The following SMPX variants were observed in gnomAD, a reference collection of about 807,000 sequenced individuals.
The protein encoded by SMPX is small muscle protein X-linked, also known as small muscular protein.
In SMPX, 2 loss-of-function variants were observed where a neutral mutation model predicts 6.3. That is an observed-to-expected ratio of 0.32 (90% CI 0.13 to 0.99). The LOEUF (loss-of-function observed/expected upper bound fraction) is 0.99. Among genes scored for constraint, SMPX ranks in the 50% least tolerant of loss-of-function variants. The pLI, the probability that SMPX is intolerant of heterozygous loss-of-function variation, is 0.49. For missense variants in SMPX, 60 were observed against 66.8 expected (o/e 0.90, Z 0.36); for synonymous variants, 32 against 24.7 (o/e 1.30, Z -0.88).
intron 4 of SMPX, among the ~76,000 whole-genome samples, chrX:21,736,276 G>A (rs769838384): frequency 6.9e-4 from 77 of 111,794 alleles, no homozygotes; most frequent in Non-Finnish European, 1.1e-3. Flanking sequence ...AAGACACAGC[G>A]GGGCCCTATC....
intron 4 of SMPX, among the ~76,000 whole-genome samples, chrX:21,725,351 A>C (rs768322393): frequency 1.8e-5 from 2 of 112,099 alleles, no homozygotes; most frequent in Non-Finnish European, 3.8e-5. Context: ...GAAAGGTGAA[A>C]TGTCTATTTT....
intron 4 of SMPX, among the ~76,000 whole-genome samples, chrX:21,729,032 T>G (rs1033512865): frequency 8.9e-6 from 1 of 112,382 alleles, no homozygotes; most frequent in African/African-American, 3.2e-5. Flanking sequence ...GATAATCTGC[T>G]TTCTGATACA....
At chrX:21,715,546 A>C (rs1258329890) in intron 4 of SMPX, among the ~76,000 whole-genome samples, 3 of 111,120 alleles carry the variant, frequency 2.7e-5, no homozygotes, top group African/African-American at 9.9e-5. Context: ...TCAGTATTTA[A>C]CATCCATATG....
intron 2 of SMPX, 87 bp from the exon 3 acceptor site, chrX:21,743,923 T>G: frequency 1.4e-6 from 1 of 713,189 alleles, no homozygotes; most frequent in Non-Finnish European, 2.2e-6. Flanking sequence ...TGAAGAAAAA[T>G]GCGTCTGAAA....
intron 4 of SMPX, 119 bp downstream of exon 4, chrX:21,737,430 A>G: frequency 1.5e-6 from 1 of 682,479 alleles, no homozygotes; most frequent in Admixed American, 2.5e-5. Context: ...ACTGACTTAA[A>G]TTGAAGGCAC....
chrX:21,738,975 G>A (rs1220600199), intron 3 of SMPX, among the ~76,000 whole-genome samples: 1 of 111,284 alleles, frequency 9.0e-6, no homozygotes, highest in Non-Finnish European at 1.9e-5. Flanking sequence ...AACACAGACT[G>A]GCGCAGATCT....
At chrX:21,737,428 A>G in intron 4 of SMPX, 121 bp downstream of exon 4, 1 of 668,910 alleles carries the variant, frequency 1.5e-6, no homozygotes, top group Non-Finnish European at 2.4e-6. Context: ...ATACTGACTT[A>G]AATTGAAGGC....
intron 2 of SMPX, among the ~76,000 whole-genome samples, chrX:21,753,338 C>T (rs1211224140): frequency 8.9e-6 from 1 of 111,892 alleles, no homozygotes; most frequent in African/African-American, 3.3e-5. Flanking sequence ...TTTCTAAACC[C>T]CTTGATGATG....
chrX:21,712,036 A>G, intron 4 of SMPX, among the ~76,000 whole-genome samples: 1 of 112,141 alleles, frequency 8.9e-6, no homozygotes, highest in Non-Finnish European at 1.9e-5. Flanking sequence ...GCAAGCTACA[A>G]CTAAGGCTTG....
intron 4 of SMPX, among the ~76,000 whole-genome samples, chrX:21,724,380 T>C (rs1029068916): frequency 8.9e-6 from 1 of 112,632 alleles, no homozygotes; most frequent in African/African-American, 3.2e-5. Flanking sequence ...TGTGTATGTG[T>C]ATGTGGTATG....
rs752296269 is a variant in SMPX at position 21,737,532 on chromosome X, GAT to G, written c.*14+15_*14+16del. 1.0e-5 allele frequency: 12 copies of G among 1,191,609 alleles called. No homozygotes were observed. Among genetic ancestry groups the G allele is most frequent in the Non-Finnish European group, 1.4e-5 (12 of 879,325 alleles). ...ACAGAGGACTTTTTGAGACAAAGAA[GAT>G]AGTTTTTCACTCACCTTTTTTCTTC... On this transcript the variant is annotated intron_variant, in intron 4 of 4. Transcript: ENST00000379494.
Position 21,728,214 on chromosome X carries a change from TTCTCTCTCTCTCTCTCTCTCTCTCTCTC to T in SMPX, c.*14+9307_*14+9334del, listed in dbSNP as rs61469484. 3.8e-3 allele frequency among the ~76,000 whole-genome samples: 184 copies of T among 48,340 alleles called. 3 individuals are homozygous for T. Among genetic ancestry groups the T allele is most frequent in the South Asian group, 0.014 (10 of 739 alleles). The allele number at this position is 48,340 out of a possible 115,157, so 42.0% of individuals were successfully genotyped here. A position where few individuals can be genotyped will look rare whatever the true frequency, so the allele number is the denominator to read the frequency against. On this transcript the variant is annotated intron_variant, in intron 4 of 4. Coordinates refer to ENST00000379494, the MANE Select transcript of SMPX (RefSeq NM_014332.3). ...TTCCCCTCCTCTCCCTTCCCCTCCT[TTCTCTCTCTCTCTCTCTCTCTCTCTCTC>T]TCTCTCTCTCTCTCTCTCTCTCTCT...
Position 21,754,250 on chromosome X carries a change from A to T in SMPX, c.41T>A (p.Ile14Asn). ...SKQPVSNVRA[I>N]QANINIPMGA... ...AGAAGTTGCAGGGCTACTTACCTGG[A>T]TGGCTCTAACATTGGAAACTGGCTG... The change falls in exon 2 of 5, where the codon ATC (isoleucine) becomes AAC (asparagine). Residue 14 changes from isoleucine to asparagine, a missense_variant. Physicochemically the swap from Ile to Asn is moderately radical, Grantham distance 149. Transcript: ENST00000379494. The T allele has an allele frequency of 8.3e-7, 1 of 1,209,964 alleles. No homozygotes were observed. Among genetic ancestry groups the T allele is most frequent in the Non-Finnish European group, 1.1e-6 (1 of 893,605 alleles).
intron 2 of SMPX, among the ~76,000 whole-genome samples, chrX:21,752,523 G>T (rs774264216): frequency 1.0e-4 from 11 of 109,788 alleles, no homozygotes; most frequent in East Asian, 2.9e-4. Flanking sequence ...TTGTTTTTTG[G>T]TTTTTTTTAA....
chrX:21,750,532 A>G (rs986465969), intron 2 of SMPX, among the ~76,000 whole-genome samples: 2 of 112,411 alleles, frequency 1.8e-5, no homozygotes, highest in African/African-American at 6.5e-5. Flanking sequence ...CTGGTCCTTT[A>G]TAGAAAAGGT....
Position 21,706,364 on chromosome X carries a change from T to A in SMPX, c.*45A>T, listed in dbSNP as rs1057515838. 1 of 427,686 alleles carries A rather than the reference T, an allele frequency of 2.3e-6. No homozygotes were observed. The highest frequency in any genetic ancestry group is 4.6e-5 in the East Asian group (1 of 21,764). 35.2% of individuals were successfully genotyped at this position (427,686 alleles called of 1,213,427 possible). ...AAATTTTAGTGAGCTATTGAATCCA[T>A]CTTCTGCCTCTTTATTTCTTCACAT... On this transcript the variant is annotated 3_prime_UTR_variant, in exon 5 of 5. Coordinates refer to ENST00000379494, the MANE Select transcript of SMPX (RefSeq NM_014332.3).
At chrX:21,751,396 T>C (rs746129379) in intron 2 of SMPX, among the ~76,000 whole-genome samples, 35 of 112,545 alleles carry the variant, frequency 3.1e-4, no homozygotes, top group Admixed American at 1.4e-3. Flanking sequence ...TAATAGCTAA[T>C]ATTTATTAAG....
Position 21,706,249 on chromosome X carries a change from C to T in SMPX, c.*160G>A, listed in dbSNP as rs184731985. The T allele has an allele frequency of 2.6e-5, 13 of 503,706 alleles. No homozygotes were observed. In the East Asian group the frequency reaches 4.4e-4, roughly 17 times the overall value. The allele number at this position is 503,706 out of a possible 1,213,427, so 41.5% of individuals were successfully genotyped here. Reference sequence around the variant, plus strand: ...AAGATAAAGTAAGAAATACAGCCAACTAGAAGGAAGAGATATAAATGTACA... The same window carrying T: ...AAGATAAAGTAAGAAATACAGCCAATTAGAAGGAAGAGATATAAATGTACA... On this transcript the variant is annotated 3_prime_UTR_variant, in exon 5 of 5. Coordinates refer to ENST00000379494, the MANE Select transcript of SMPX (RefSeq NM_014332.3).
intron 3 of SMPX, among the ~76,000 whole-genome samples, chrX:21,740,807 A>G (rs1249866500): frequency 8.9e-6 from 1 of 112,390 alleles, no homozygotes; most frequent in African/African-American, 3.2e-5. Context: ...AAATGTTTGC[A>G]TCTTGTAAAG....
Sources: gnomAD v4.1 joint callset for allele counts (sites outside exome capture counted in the v4.1 genomes callset) on GRCh38, gnomAD v4.1.1 for gene constraint, MANE v1.5 for transcripts, NCBI Gene and HGNC (gene_info 2026-07-23, HGNC 2026-07-21) for gene names.